Variants in EXOC2 observed in about 807,000 individuals in gnomAD.
EXOC2 encodes SEC5-like 1.
In EXOC2, 70 loss-of-function variants were observed where a neutral mutation model predicts 131.8. The ratio of observed to expected loss-of-function variants is 0.53; its 90% CI spans 0.44 to 0.65. The LOEUF (loss-of-function observed/expected upper bound fraction) is 0.65, where lower values mean the gene tolerates loss of function less well. EXOC2 is among the 30% of genes least tolerant of loss of function. The pLI, the probability that EXOC2 is intolerant of heterozygous loss-of-function variation, is 0.00. For missense variants in EXOC2, 923 were observed against 1,108.6 expected (o/e 0.83, Z 2.38); for synonymous variants, 411 against 398.4 (o/e 1.03, Z -0.38).
intron 25 of EXOC2, among the ~76,000 whole-genome samples, chr6:491,510 T>C (rs1469786283): frequency 6.6e-6 from 1 of 152,280 alleles, no homozygotes; most frequent in African/African-American, 2.4e-5. Flanking sequence ...ATTTTTCTTT[T>C]AGTCTTGCAA....
chr6:627,380 CTT>C (rs1361595338), intron 4 of EXOC2, among the ~76,000 whole-genome samples: 1 of 152,136 alleles, frequency 6.6e-6, no homozygotes, highest in Non-Finnish European at 1.5e-5. Context: ...TCTAGCCTCT[CTT>C]TCTTTTGAAA....
intron 4 of EXOC2, 37 bp downstream of exon 4, chr6:629,798 G>T (rs375387099): frequency 7.5e-6 from 12 of 1,604,744 alleles, no homozygotes; most frequent in Non-Finnish European, 1.0e-5. Context: ...TTCAGGAACT[G>T]AAAAATAAAG....
intron 25 of EXOC2, among the ~76,000 whole-genome samples, chr6:494,229 C>G (rs1763593005): frequency 6.6e-6 from 1 of 152,186 alleles, no homozygotes; most frequent in African/African-American, 2.4e-5. Flanking sequence ...AACAAGTGCT[C>G]TCTGCTCTTT....
chr6:647,841 T>C (rs1762647298), intron 1 of EXOC2, among the ~76,000 whole-genome samples: 1 of 151,668 alleles, frequency 6.6e-6, no homozygotes, highest in Non-Finnish European at 1.5e-5. Context: ...CAACTAAAAG[T>C]AATGTCTGGT....
intron 2 of EXOC2, among the ~76,000 whole-genome samples, chr6:636,155 CCTAGA>C (rs770444715): frequency 5.4e-4 from 82 of 152,326 alleles, no homozygotes; most frequent in Non-Finnish European, 1.1e-3. Context: ...TTAAAATTTA[CCTAGA>C]CTATTGTCAT....
intron 23 of EXOC2, among the ~76,000 whole-genome samples, chr6:532,238 CATTA>C (rs1433014586): frequency 1.3e-5 from 2 of 152,216 alleles, no homozygotes; most frequent in African/African-American, 4.8e-5. Context: ...TACAAGTTAT[CATTA>C]ATTATTCTCT....
At chr6:678,122 CAA>C (rs1301950984) in intron 1 of EXOC2, among the ~76,000 whole-genome samples, 1 of 152,162 alleles carries the variant, frequency 6.6e-6, no homozygotes, top group African/African-American at 2.4e-5. Context: ...TTAATCAGTG[CAA>C]AGTGGATTGA....
Position 592,475 on chromosome 6 carries a change from G to T in EXOC2, c.1186C>A (p.Leu396Met). The change falls in exon 11 of 28, where the codon CTG (leucine) becomes ATG (methionine). Residue 396 changes from leucine (L) to methionine (M), a missense_variant. Leu to Met is a conservative substitution (Grantham distance 15). Transcript: ENST00000230449. ...TTGGAAGAGAAATCCTTGCCTTTCA[G>T]ATCTTTCACGTAGCCCTCTTTGCAA... ...HSCKEGYVKD[L>M]KGNPGLHSPM... 1 of 1,613,036 alleles carries T rather than the reference G, an allele frequency of 6.2e-7. No homozygotes were observed. Among genetic ancestry groups the T allele is most frequent in the Non-Finnish European group, 8.5e-7 (1 of 1,179,228 alleles).
chr6:660,255 GC>G (rs200862500), intron 1 of EXOC2, among the ~76,000 whole-genome samples: 7,096 of 151,220 alleles, frequency 0.047, 374 homozygotes, highest in East Asian at 0.3. Context: ...GAGTTCTAGG[GC>G]CCCGCCCACT....
intron 11 of EXOC2, among the ~76,000 whole-genome samples, chr6:582,232 A>G (rs7753782): frequency 0.25 from 22,961 of 90,828 alleles, 1,880 homozygotes; most frequent in African/African-American, 0.32. Context: ...CTGATTTTCA[A>G]TAGTCGGTAT....
At chr6:681,348 G>C (rs1764393861) in intron 1 of EXOC2, among the ~76,000 whole-genome samples, 1 of 152,174 alleles carries the variant, frequency 6.6e-6, no homozygotes, top group Non-Finnish European at 1.5e-5. Flanking sequence ...ACCTTTAACT[G>C]AAAGGTCCAA....
At chr6:597,469 G>A (rs953317446) in intron 10 of EXOC2, among the ~76,000 whole-genome samples, 2 of 152,048 alleles carry the variant, frequency 1.3e-5, no homozygotes, top group African/African-American at 2.4e-5. Flanking sequence ...CATGAGCCAC[G>A]GTGCCCGGCC....
chr6:505,126 C>T (rs773617260), intron 23 of EXOC2, among the ~76,000 whole-genome samples: 47 of 151,180 alleles, frequency 3.1e-4, no homozygotes, highest in Non-Finnish European at 6.2e-4. Flanking sequence ...CATATAGGAA[C>T]ACAACAACGG....
At chr6:679,670 A>T (rs1055337744) in intron 1 of EXOC2, among the ~76,000 whole-genome samples, 2 of 152,266 alleles carry the variant, frequency 1.3e-5, no homozygotes, top group Non-Finnish European at 2.9e-5. Flanking sequence ...AATGTATTAC[A>T]GCAAGACGGG....
intron 1 of EXOC2, among the ~76,000 whole-genome samples, chr6:682,199 C>CTTT (rs10654916): frequency 3.9e-5 from 5 of 129,632 alleles, no homozygotes; most frequent in Non-Finnish European, 4.9e-5. Flanking sequence ...TTCCCAGTTT[C>CTTT]TTTTTTTTTT....
At chr6:692,489 G>T (rs1581699978) in intron 1 of EXOC2, among the ~76,000 whole-genome samples, 1 of 152,212 alleles carries the variant, frequency 6.6e-6, no homozygotes. Context: ...CCGTAAAATG[G>T]GTCACACGGC....
chr6:550,448 GTAGC>G (rs537961221), intron 21 of EXOC2, among the ~76,000 whole-genome samples: 57 of 152,282 alleles, frequency 3.7e-4, no homozygotes, highest in African/African-American at 1.4e-3. Context: ...GGCAGAGTGT[GTAGC>G]CTATTCACTA....
At chr6:549,801 C>T (rs1054968907) in intron 21 of EXOC2, among the ~76,000 whole-genome samples, 14 of 152,130 alleles carry the variant, frequency 9.2e-5, no homozygotes, top group African/African-American at 2.9e-4. Flanking sequence ...TACCTTAGGG[C>T]ATTAAGAATT....
At chr6:557,717 G>C (rs371182545) in intron 17 of EXOC2, among the ~76,000 whole-genome samples, 1 of 151,988 alleles carries the variant, frequency 6.6e-6, no homozygotes, top group Non-Finnish European at 1.5e-5. Flanking sequence ...CCAAGACTGT[G>C]AGAACATTGA....
Sources: gnomAD v4.1 joint callset for allele counts (sites outside exome capture counted in the v4.1 genomes callset) on GRCh38, gnomAD v4.1.1 for gene constraint, MANE v1.5 for transcripts, NCBI Gene and HGNC (gene_info 2026-07-23, HGNC 2026-07-21) for gene names.